The following RALB variants were observed in gnomAD, a reference collection of about 807,000 sequenced individuals.
RALB encodes the protein RAS like proto-oncogene B, also known as ras-related protein Ral-B.
In RALB, 16 loss-of-function variants were observed where a neutral mutation model predicts 21.3. The ratio of observed to expected loss-of-function variants is 0.75; its 90% CI spans 0.51 to 1.14. The LOEUF is 1.14. Among genes scored for constraint, RALB ranks in the 50% most tolerant of loss-of-function variants. The pLI, the probability that RALB is intolerant of heterozygous loss-of-function variation, is 0.00. For synonymous variants in RALB, 93 were observed against 96.1 expected (o/e 0.97, Z 0.19); for missense variants, 161 against 256.2 (o/e 0.63, Z 2.54).
intron 1 of RALB, among the ~76,000 whole-genome samples, chr2:120,266,002 C>T (rs567506442): frequency 6.6e-6 from 1 of 152,284 alleles, no homozygotes; most frequent in East Asian, 1.9e-4. Context: ...TCCCAGATTC[C>T]ATGGGTGGGT....
intron 1 of RALB, among the ~76,000 whole-genome samples, chr2:120,262,169 A>C (rs1263890049): frequency 6.6e-6 from 1 of 152,198 alleles, no homozygotes; most frequent in Non-Finnish European, 1.5e-5. Flanking sequence ...GGTGAAGGAC[A>C]GGCTATTATG....
At chr2:120,275,301 C>T (rs763296919) in intron 1 of RALB, among the ~76,000 whole-genome samples, 13 of 152,120 alleles carry the variant, frequency 8.5e-5, no homozygotes, top group Admixed American at 2.0e-4. Flanking sequence ...TGCACATGTA[C>T]GTTAAATCCT....
intron 2 of RALB, among the ~76,000 whole-genome samples, chr2:120,285,449 T>G (rs1378089603): frequency 6.6e-6 from 1 of 152,212 alleles, no homozygotes; most frequent in African/African-American, 2.4e-5. Context: ...GAACTCCAGT[T>G]TTTTGATATA....
intron 1 of RALB, among the ~76,000 whole-genome samples, chr2:120,271,148 T>C (rs1198291684): frequency 6.6e-6 from 1 of 152,248 alleles, no homozygotes; most frequent in Non-Finnish European, 1.5e-5. Flanking sequence ...TCCTCTTTGC[T>C]CAAGCTTAAT....
At chr2:120,280,517 A>G (rs1250313529) in intron 2 of RALB, among the ~76,000 whole-genome samples, 2 of 99,578 alleles carry the variant, frequency 2.0e-5, no homozygotes, top group Non-Finnish European at 3.7e-5. Flanking sequence ...GCATGGACAC[A>G]GGGAGGGGAA....
chr2:120,263,851 A>G (rs1689431243), intron 1 of RALB, among the ~76,000 whole-genome samples: 1 of 143,860 alleles, frequency 7.0e-6, no homozygotes, highest in Admixed American at 7.0e-5. Context: ...TTATTTTATT[A>G]TTTATTTATT....
At chr2:120,292,058 G>C (rs758554441) in intron 4 of RALB, among the ~76,000 whole-genome samples, 3 of 152,108 alleles carry the variant, frequency 2.0e-5, no homozygotes, top group Non-Finnish European at 4.4e-5. Context: ...TGTCTGCTTG[G>C]GTATAATCAG....
chr2:120,284,693 A>G (rs1003074837), intron 2 of RALB, among the ~76,000 whole-genome samples: 1 of 152,230 alleles, frequency 6.6e-6, no homozygotes, highest in African/African-American at 2.4e-5. Flanking sequence ...TTGTATATTC[A>G]TACAGATGTG....
At chr2:120,278,384 G>A (rs928801174) in intron 1 of RALB, among the ~76,000 whole-genome samples, 16 of 152,174 alleles carry the variant, frequency 1.1e-4, no homozygotes, top group Non-Finnish European at 2.1e-4. Context: ...TGAGGCGGGC[G>A]TGGGGTGTGC....
At chr2:120,275,735 T>A (rs1018920523) in intron 1 of RALB, among the ~76,000 whole-genome samples, 6 of 152,180 alleles carry the variant, frequency 3.9e-5, no homozygotes, top group Admixed American at 1.3e-4. Context: ...GTAGTTAGAA[T>A]GAACACTCTC....
upstream of RALB, among the ~76,000 whole-genome samples, chr2:120,247,952 T>C (rs1001443801): frequency 6.6e-6 from 1 of 152,200 alleles, no homozygotes; most frequent in African/African-American, 2.4e-5. Flanking sequence ...AATGGAGCTG[T>C]AACTAGCCAT....
chr2:120,253,027 T>C (rs1170325908), intron 1 of RALB, 47 bp downstream of exon 1: 3 of 958,038 alleles, frequency 3.1e-6, no homozygotes, highest in Non-Finnish European at 3.7e-6. Context: ...GGGCGCGGGC[T>C]GGGGAGTGGG....
chr2:120,246,267 C>T (rs1242183955), intron 1 of RALB, among the ~76,000 whole-genome samples: 1 of 152,180 alleles, frequency 6.6e-6, no homozygotes, highest in Non-Finnish European at 1.5e-5. Flanking sequence ...TGGCACTGCC[C>T]CTCCTGAGGG....
intron 1 of RALB, among the ~76,000 whole-genome samples, chr2:120,273,463 C>T (rs1689717714): frequency 6.6e-6 from 1 of 152,192 alleles, no homozygotes; most frequent in Non-Finnish European, 1.5e-5. Context: ...GACCACATGA[C>T]TCCTGAGCAG....
At chr2:120,277,536 TTG>T (rs376774307) in intron 1 of RALB, among the ~76,000 whole-genome samples, 50 of 149,262 alleles carry the variant, frequency 3.3e-4, no homozygotes, top group Admixed American at 6.0e-4. Flanking sequence ...GAGTGTGTAG[TTG>T]TGTGTGTGTG....
chr2:120,263,125 T>C (rs1689411975), intron 1 of RALB, among the ~76,000 whole-genome samples: 1 of 152,268 alleles, frequency 6.6e-6, no homozygotes, highest in Non-Finnish European at 1.5e-5. Flanking sequence ...TATATTTGGC[T>C]CTGAGGCCAG....
intron 2 of RALB, among the ~76,000 whole-genome samples, chr2:120,284,720 C>T (rs1453471557): frequency 2.0e-5 from 3 of 148,012 alleles, no homozygotes; most frequent in Non-Finnish European, 4.5e-5. Context: ...TCACCATTAT[C>T]TAATTTTAGA....
intron 1 of RALB, among the ~76,000 whole-genome samples, chr2:120,276,366 T>C (rs1331700545): frequency 6.6e-6 from 1 of 152,118 alleles, no homozygotes; most frequent in Non-Finnish European, 1.5e-5. Flanking sequence ...TTTGGGAGGC[T>C]GAGCAGGGGG....
chr2:120,246,510 C>T (rs1361627015), intron 1 of RALB, among the ~76,000 whole-genome samples: 5 of 152,234 alleles, frequency 3.3e-5, no homozygotes, highest in Non-Finnish European at 7.3e-5. Context: ...AGTGCCAAGC[C>T]CACCACCAAC....
Sources: allele counts gnomAD v4.1 joint callset (sites outside exome capture counted in the v4.1 genomes callset), GRCh38; gene constraint gnomAD v4.1.1; transcripts MANE v1.5; gene names NCBI Gene and HGNC (gene_info 2026-07-23, HGNC 2026-07-21).